The following FAM168B variants were observed in gnomAD, a reference collection of about 807,000 sequenced individuals.
The protein encoded by FAM168B is myelin-associated neurite-outgrowth inhibitor.
Under a neutral mutation model 21.8 loss-of-function variants are expected in FAM168B, and 19 were observed. The observed-to-expected ratio is 0.87, with a 90% confidence interval of 0.61 to 1.28. The LOEUF (loss-of-function observed/expected upper bound fraction) is 1.28. Ranked by LOEUF, FAM168B falls within the 50% of genes most tolerant of loss-of-function variation. FAM168B has a pLI of 0.00. For synonymous variants in FAM168B, 126 were observed against 104.8 expected (o/e 1.20, Z -1.24); for missense variants, 233 against 263.1 (o/e 0.89, Z 0.79).
At chr2:131,088,362 T>C (rs911522846) in intron 1 of FAM168B, among the ~76,000 whole-genome samples, 29 of 147,098 alleles carry the variant, frequency 2.0e-4, no homozygotes, top group Admixed American at 1.2e-3. Flanking sequence ...ACCCCAAAAG[T>C]GGGACATTCC....
At chr2:131,083,874 GTATTTATTTATT>G (rs10550552) in intron 1 of FAM168B, among the ~76,000 whole-genome samples, 2,006 of 148,124 alleles carry the variant, frequency 0.014, 22 homozygotes, top group Middle Eastern at 0.024. Context: ...GCAATTTCCT[GTATTTATTTATT>G]TATTTATTTA....
In FAM168B at chr2:131,055,550, T is replaced by C. The variant is rs1691971743; in HGVS notation, c.297+3A>G. ...CCACACAGCAGTGTGTACCCAAGCA[T>C]ACCTGTGCATACGGGCTCTGCTGGG... is the stretch of plus-strand genomic sequence containing the variant. On this transcript the variant is annotated splice_donor_region_variant and intron_variant, in intron 4 of 6. Transcript: ENST00000389915. The C allele has an allele frequency of 6.2e-7, 1 of 1,603,770 alleles. No individual in the cohort carries two copies. Among genetic ancestry groups the C allele is most frequent in the Non-Finnish European group, 8.5e-7 (1 of 1,175,712 alleles).
chr2:131,051,486 A>G lies in FAM168B; in HGVS notation c.*979T>C, dbSNP rs1451228602. On this transcript the variant is annotated 3_prime_UTR_variant, in exon 7 of 7. Transcript: ENST00000389915. ...GCTGATTCAAACATTTCTCCAGGAA[A>G]AAAAAAAAAAAAGGAATGATTTTCT... 4 of 739,632 alleles carry G rather than the reference A, an allele frequency of 5.4e-6. No individual in the cohort carries two copies. The highest frequency in any genetic ancestry group is 4.9e-6 in the Non-Finnish European group (3 of 608,664). The allele number at this position is 739,632 out of a possible 1,614,324, so 45.8% of individuals were successfully genotyped here.
chr2:131,087,669 G>A (rs1290236025), intron 1 of FAM168B, among the ~76,000 whole-genome samples: 3 of 152,120 alleles, frequency 2.0e-5, no homozygotes, highest in African/African-American at 7.2e-5. Flanking sequence ...ACCACCAAGT[G>A]GAGACCCTTA....
At chr2:131,081,545 C>T (rs1390971090) in intron 2 of FAM168B, among the ~76,000 whole-genome samples, 1 of 152,188 alleles carries the variant, frequency 6.6e-6, no homozygotes. Context: ...AAAGATCTCC[C>T]GCTTCTCAGA....
rs1260111772 is a variant in FAM168B, at chr2:131,050,089, G to C, written c.*2376C>G. On this transcript the variant is annotated 3_prime_UTR_variant, in exon 7 of 7. Coordinates refer to ENST00000389915, the MANE Select transcript of FAM168B (RefSeq NM_001009993.4). ...AAAGGGAAAAAAGGTTAAGTTACAGGGAGGAAGAAAAGTGTTTATGAAGCT... is the reference window on the plus strand; with the variant it reads ...AAAGGGAAAAAAGGTTAAGTTACAGCGAGGAAGAAAAGTGTTTATGAAGCT... The C allele has an allele frequency of 2.2e-5, 22 of 985,292 alleles. No individual in the cohort carries two copies. The highest frequency in any genetic ancestry group is 2.7e-5 in the Non-Finnish European group (22 of 829,904). 61.0% of individuals were successfully genotyped at this position (985,292 alleles called of 1,614,324 possible). A position where few individuals can be genotyped will look rare whatever the true frequency, so the allele number is the denominator to read the frequency against.
At chr2:131,052,537 A>G in intron 6 of FAM168B, 85 bp from the exon 7 acceptor site, 1 of 1,001,296 alleles carries the variant, frequency 1.0e-6, no homozygotes, top group Non-Finnish European at 1.2e-6. Context: ...GAGGCCCAGC[A>G]GGGTCGGAAA....
chr2:131,082,687 G>C (rs759764887), intron 1 of FAM168B, 30 bp from the exon 2 acceptor site: 52 of 1,484,538 alleles, frequency 3.5e-5, no homozygotes, highest in Non-Finnish European at 4.4e-5. Flanking sequence ...ATTTAGCCAA[G>C]CACTTTTGCT....
intron 2 of FAM168B, among the ~76,000 whole-genome samples, chr2:131,072,287 C>A (rs921127730): frequency 5.3e-5 from 8 of 151,532 alleles, no homozygotes; most frequent in African/African-American, 1.5e-4. Context: ...CCACACCTGG[C>A]TAATTTTTCT....
chr2:131,090,391 C>A (rs1469995980), intron 1 of FAM168B, among the ~76,000 whole-genome samples: 3 of 151,130 alleles, frequency 2.0e-5, no homozygotes, highest in South Asian at 2.1e-4. Context: ...GGAAACATAC[C>A]ATCTCTAAAC....
In FAM168B at chr2:131,050,309, T is replaced by C. The variant is rs1691580370; in HGVS notation, c.*2156A>G. 1 of 985,368 alleles carries C rather than the reference T, an allele frequency of 1.0e-6. No homozygotes were observed. The highest frequency in any genetic ancestry group is 1.7e-5 in the African/African-American group (1 of 57,242). The allele number at this position is 985,368 out of a possible 1,614,324, so 61.0% of individuals were successfully genotyped here. Reference sequence around the variant, plus strand: ...GGCTTTTTAAAAGCATACACTAACATTGTGAGTATTTTATCCTAATCTATT... The same window carrying C: ...GGCTTTTTAAAAGCATACACTAACACTGTGAGTATTTTATCCTAATCTATT... On this transcript the variant is annotated 3_prime_UTR_variant, in exon 7 of 7. Transcript: ENST00000389915.
At position 131,050,483 on chromosome 2, in the gene FAM168B, G is replaced by A. The variant is rs1035770114; in HGVS notation, c.*1982C>T. ...AAAGGGGCACAAACTGTGTGCCTGCGGTAAATGTCTGCCCCCACACATAGA... is the reference window on the plus strand; with the variant it reads ...AAAGGGGCACAAACTGTGTGCCTGCAGTAAATGTCTGCCCCCACACATAGA... On this transcript the variant is annotated 3_prime_UTR_variant, in exon 7 of 7. Transcript: ENST00000389915. 1.3e-5 allele frequency: 13 copies of A among 985,654 alleles called. No homozygotes were observed. The South Asian group carries it at 1.9e-4, about 14-fold the overall frequency. The allele number at this position is 985,654 out of a possible 1,614,324, so 61.1% of individuals were successfully genotyped here.
At chr2:131,079,832 T>A (rs752001169) in intron 2 of FAM168B, among the ~76,000 whole-genome samples, 3 of 150,468 alleles carry the variant, frequency 2.0e-5, no homozygotes, top group East Asian at 2.0e-4. Context: ...AAAAAAAAAA[T>A]GTGGCTCGGA....
chr2:131,079,647 C>T lies in FAM168B; in HGVS notation c.70+2930G>A, dbSNP rs1479651115. Among the ~76,000 whole-genome samples the T allele has an allele frequency of 2.6e-5, 4 of 152,144 alleles. No individual in the cohort carries two copies. The East Asian group carries it at 7.7e-4, about 29-fold the overall frequency. Reference sequence around the variant, plus strand: ...CACTAGGAGTACAGACCTGCCAACGCCTTGATTTCGAACCTCTGGGACTAC... The same window carrying T: ...CACTAGGAGTACAGACCTGCCAACGTCTTGATTTCGAACCTCTGGGACTAC... On this transcript the variant is annotated intron_variant, in intron 2 of 6. Transcript: ENST00000389915.
Position 131,082,613 on chromosome 2 carries a change from C to A in FAM168B, c.34G>T (p.Val12Phe). 6.2e-7 allele frequency: 1 copy of A among 1,610,088 alleles called. No homozygotes were observed. Among genetic ancestry groups the A allele is most frequent in the Non-Finnish European group, 8.5e-7 (1 of 1,178,594 alleles). ...ATTCCTTTGGCATTTGCATAGGGAA[C>A]CCCAGAAGATCCAGGACTATAAACA... is the stretch of plus-strand genomic sequence containing the variant. ...NPVYSPGSSGVPYANAKGIGY... is the reference protein window; with the variant it reads ...NPVYSPGSSGFPYANAKGIGY... Residue 12 changes from valine to phenylalanine, a missense_variant, in exon 2 of 7, where the codon GTT becomes TTT. Physicochemically the swap from Val to Phe is conservative, Grantham distance 50. Coordinates refer to ENST00000389915, the MANE Select transcript of FAM168B (RefSeq NM_001009993.4).
At chr2:131,064,444 A>G (rs1384095586) in intron 3 of FAM168B, among the ~76,000 whole-genome samples, 2 of 152,138 alleles carry the variant, frequency 1.3e-5, no homozygotes, top group African/African-American at 4.8e-5. Context: ...CCAAGGTTAC[A>G]CTCAATCAGG....
At chr2:131,078,845 G>A (rs1245466392) in intron 2 of FAM168B, among the ~76,000 whole-genome samples, 1 of 151,974 alleles carries the variant, frequency 6.6e-6, no homozygotes, top group Non-Finnish European at 1.5e-5. Context: ...AATTATTCAG[G>A]CATGGTAGCG....
chr2:131,079,840 G>A (rs949357601), intron 2 of FAM168B, among the ~76,000 whole-genome samples: 14 of 152,096 alleles, frequency 9.2e-5, no homozygotes, highest in Admixed American at 2.0e-4. Context: ...AATGTGGCTC[G>A]GAGCAGTGGC....
intron 1 of FAM168B, among the ~76,000 whole-genome samples, chr2:131,089,561 C>A (rs1247900461): frequency 4.8e-5 from 7 of 146,612 alleles, no homozygotes; most frequent in Non-Finnish European, 1.5e-5. Flanking sequence ...TGAAACCTGT[C>A]TCTACTAAAA....
Sources: gnomAD v4.1 joint callset for allele counts (sites outside exome capture counted in the v4.1 genomes callset) on GRCh38, gnomAD v4.1.1 for gene constraint, MANE v1.5 for transcripts, NCBI Gene and HGNC (gene_info 2026-07-23, HGNC 2026-07-21) for gene names.